Variants in EXTL2 observed in about 807,000 individuals in gnomAD.
EXTL2 encodes exostosin-like 2.
A neutral mutation model predicts 30.7 loss-of-function variants in EXTL2; 23 were observed. The ratio of observed to expected loss-of-function variants is 0.75; its 90% CI spans 0.54 to 1.06. The LOEUF (loss-of-function observed/expected upper bound fraction) is 1.06. EXTL2 is among the 50% of genes least tolerant of loss of function. The pLI is 0.00. For missense variants in EXTL2, 352 were observed against 396.3 expected (o/e 0.89, Z 0.95); for synonymous variants, 123 against 133.8 (o/e 0.92, Z 0.56).
chr1:100,878,285 C>A, intron 2 of EXTL2: 1 of 357,522 alleles, frequency 2.8e-6, no homozygotes, highest in Non-Finnish European at 5.5e-6. Context: ...GACTTTTTCC[C>A]AAACAAAATC....
chr1:100,880,658 T>G (rs1346960694), intron 2 of EXTL2, among the ~76,000 whole-genome samples: 2 of 152,132 alleles, frequency 1.3e-5, no homozygotes, highest in East Asian at 3.9e-4. Flanking sequence ...CTTTTAATAT[T>G]GAAGGAAAAG....
chr1:100,883,135 A>G (rs1330344777), intron 2 of EXTL2, among the ~76,000 whole-genome samples: 1 of 152,228 alleles, frequency 6.6e-6, no homozygotes, highest in Non-Finnish European at 1.5e-5. Context: ...GGATGTGTCA[A>G]AAAATTAATA....
In EXTL2 at chr1:100,873,801, C is replaced by G. The variant is rs2100906099; in HGVS notation, c.*141G>C. The G allele has an allele frequency of 4.9e-6, 4 of 824,308 alleles. No homozygotes were observed. Among genetic ancestry groups the G allele is most frequent in the African/African-American group, 1.7e-5 (1 of 57,172 alleles). The allele number at this position is 824,308 out of a possible 1,614,324, so 51.1% of individuals were successfully genotyped here. A position where few individuals can be genotyped will look rare whatever the true frequency, so the allele number is the denominator to read the frequency against. ...TCAAAAGTAATGTGAATTTTATATC[C>G]TAGAAGCACTGCACTTTTTTTTCTA... On this transcript the variant is annotated 3_prime_UTR_variant, in exon 5 of 5. Transcript: ENST00000370114.
At chr1:100,891,764 G>T (rs1650440719) in intron 1 of EXTL2, among the ~76,000 whole-genome samples, 2 of 152,206 alleles carry the variant, frequency 1.3e-5, no homozygotes, top group Non-Finnish European at 2.9e-5. Flanking sequence ...ATAATGGCTG[G>T]TAATATTTAG....
intron 1 of EXTL2, among the ~76,000 whole-genome samples, chr1:100,893,281 T>C (rs1650574671): frequency 6.6e-6 from 1 of 152,052 alleles, no homozygotes; most frequent in Admixed American, 6.5e-5. Context: ...TTGAACAGAG[T>C]TGAAGAATCA....
In EXTL2 at chr1:100,873,691, A is replaced by G. The variant is rs1557948439; in HGVS notation, c.*251T>C. ...GTAGAACAGTCTCAGGATGTAAACA[A>G]TAAAATCACTGACCAAGGAGTTATA... On this transcript the variant is annotated 3_prime_UTR_variant, in exon 5 of 5. Transcript: ENST00000370114. 2.8e-6 allele frequency: 1 copy of G among 358,446 alleles called. No homozygotes were observed. The highest frequency in any genetic ancestry group is 5.0e-6 in the Non-Finnish European group (1 of 200,118). 22.2% of individuals were successfully genotyped at this position (358,446 alleles called of 1,614,324 possible). A position where few individuals can be genotyped will look rare whatever the true frequency, so the allele number is the denominator to read the frequency against.
intron 1 of EXTL2, 74 bp downstream of exon 1, chr1:100,894,559 G>C (rs562613432): frequency 1.3e-5 from 2 of 152,224 alleles, no homozygotes; most frequent in African/African-American, 2.4e-5. Flanking sequence ...CTCAGAACGA[G>C]AGCAAAACAT....
Position 100,873,933 on chromosome 1 carries a change from G to A in EXTL2, c.*9C>T, listed in dbSNP as rs1553230853. The A allele has an allele frequency of 3.2e-6, 5 of 1,548,890 alleles. No individual in the cohort carries two copies. The highest frequency in any genetic ancestry group is 2.5e-5 in the South Asian group (2 of 79,562). On this transcript the variant is annotated 3_prime_UTR_variant, in exon 5 of 5. Transcript: ENST00000370114. ...GCAGTTTTCAGGTTTGTTTTTGTTT[G>A]TTTTACTTTTATATTTTTCTTTTGT... is the stretch of plus-strand genomic sequence containing the variant.
chr1:100,889,666 CA>C (rs949457227), intron 1 of EXTL2, among the ~76,000 whole-genome samples: 1 of 151,048 alleles, frequency 6.6e-6, no homozygotes, highest in African/African-American at 2.4e-5. Context: ...AGAAATAGGC[CA>C]AAAAAAAGGG....
chr1:100,877,415 T>C lies in EXTL2; in HGVS notation c.433+61A>G. The C allele has an allele frequency of 7.1e-7, 1 of 1,418,012 alleles. No individual in the cohort carries two copies. Among genetic ancestry groups the C allele is most frequent in the Non-Finnish European group, 9.4e-7 (1 of 1,058,664 alleles). The allele number at this position is 1,418,012 out of a possible 1,614,324, so 87.8% of individuals were successfully genotyped here. A position where few individuals can be genotyped will look rare whatever the true frequency, so the allele number is the denominator to read the frequency against. ...TTAAGCAGAAGGCCAGAAATTCACA[T>C]GTCTGTCCCAGCTCTGGACAGCGGC... On this transcript the variant is annotated intron_variant, in intron 3 of 4. Transcript: ENST00000370114. The surrounding 1 kb of genome is among the most constrained non-coding windows in gnomAD (Gnocchi z 4.1).
At chr1:100,885,588 T>A (rs1384448459) in intron 2 of EXTL2, 2 of 152,232 alleles carry the variant, frequency 1.3e-5, no homozygotes, top group Non-Finnish European at 2.9e-5. Flanking sequence ...GTAAGCTTCT[T>A]CCATTAAAAT....
intron 4 of EXTL2, among the ~76,000 whole-genome samples, chr1:100,876,322 C>T (rs950489817): frequency 2.0e-5 from 3 of 152,064 alleles, no homozygotes; most frequent in Non-Finnish European, 4.4e-5. Context: ...AACCCTCCTA[C>T]CACAATGGTA....
intron 2 of EXTL2, among the ~76,000 whole-genome samples, chr1:100,886,965 C>A (rs1403766212): frequency 1.3e-5 from 2 of 152,130 alleles, no homozygotes; most frequent in Non-Finnish European, 2.9e-5. Context: ...GGAACATATC[C>A]ATGACTCATA....
At chr1:100,886,396 G>A (rs1017063339) in intron 2 of EXTL2, among the ~76,000 whole-genome samples, 4 of 152,288 alleles carry the variant, frequency 2.6e-5, no homozygotes, top group Non-Finnish European at 5.9e-5. Context: ...TCCATCTGGC[G>A]GACAGGTTGA....
chr1:100,891,587 C>T (rs919044644), intron 1 of EXTL2, among the ~76,000 whole-genome samples: 1 of 152,280 alleles, frequency 6.6e-6, no homozygotes, highest in Admixed American at 6.5e-5. Flanking sequence ...GCTGACTCAG[C>T]TCCAGGGTGG....
At chr1:100,880,091 A>T (rs927641163) in intron 2 of EXTL2, among the ~76,000 whole-genome samples, 3 of 152,088 alleles carry the variant, frequency 2.0e-5, no homozygotes, top group Non-Finnish European at 4.4e-5. Flanking sequence ...GTGTTTTGTA[A>T]TGGTAGAAAG....
intron 2 of EXTL2, among the ~76,000 whole-genome samples, chr1:100,883,413 C>G (rs889807457): frequency 6.6e-6 from 1 of 152,122 alleles, no homozygotes; most frequent in Non-Finnish European, 1.5e-5. Context: ...TCCATCCCAG[C>G]TCCAGGAAAC....
intron 2 of EXTL2, among the ~76,000 whole-genome samples, chr1:100,878,232 C>A (rs1231074112): frequency 6.6e-6 from 1 of 150,650 alleles, no homozygotes; most frequent in African/African-American, 2.4e-5. Flanking sequence ...TTTTATTTCC[C>A]TTAGTAATAT....
chr1:100,874,469 T>C, intron 4 of EXTL2, 39 bp from the exon 5 acceptor site: 1 of 1,489,512 alleles, frequency 6.7e-7, no homozygotes, highest in African/African-American at 1.4e-5. Flanking sequence ...TGTCACATAT[T>C]TTTAGAGAAG....
Sources: gnomAD v4.1 joint callset for allele counts (sites outside exome capture counted in the v4.1 genomes callset) on GRCh38, gnomAD v4.1.1 for gene constraint, Gnocchi (gnomAD v3.1) non-coding constraint, MANE v1.5 for transcripts, NCBI Gene and HGNC (gene_info 2026-07-23, HGNC 2026-07-21) for gene names.